The following NELL2 variants were observed in gnomAD, a reference collection of about 807,000 sequenced individuals.
The protein encoded by NELL2 is neural EGFL like 2, also known as protein kinase C-binding protein NELL2.
Under a neutral mutation model 109.6 loss-of-function variants are expected in NELL2, and 41 were observed. The observed-to-expected ratio is 0.37, with a 90% CI of 0.29 to 0.49. The LOEUF (loss-of-function observed/expected upper bound fraction) is 0.49, where lower values mean the gene tolerates loss of function less well. NELL2 is among the 20% of genes least tolerant of loss of function. The probability of loss-of-function intolerance (pLI) is 0.98; values close to 1 mark genes in which losing one functional copy is unlikely to be tolerated. For missense variants in NELL2, 900 were observed against 1,008.3 expected (o/e 0.89, Z 1.45); for synonymous variants, 355 against 344.7 (o/e 1.03, Z -0.33).
chr12:44,561,225 A>G (rs1478726799), intron 15 of NELL2, among the ~76,000 whole-genome samples: 3 of 152,250 alleles, frequency 2.0e-5, no homozygotes, highest in Non-Finnish European at 4.4e-5. Flanking sequence ...CCAATATCAT[A>G]CTGAATGGGA....
Position 44,718,331 on chromosome 12 carries a change from T to C in NELL2, c.995-3590A>G, listed in dbSNP as rs1442339651. On this transcript the variant is annotated intron_variant, in intron 9 of 19. Transcript: ENST00000429094. Reference sequence around the variant, plus strand: ...AGGACCGTCCCTGGAATTCTCTAACTGAAAAGTATCTGCCTTCTAACCTCT... The same window carrying C: ...AGGACCGTCCCTGGAATTCTCTAACCGAAAAGTATCTGCCTTCTAACCTCT... 2.6e-5 allele frequency among the ~76,000 whole-genome samples: 4 copies of C among 152,204 alleles called. No individual in the cohort carries two copies. The South Asian group carries it at 6.2e-4, about 24-fold the overall frequency.
chr12:44,876,877 G>A (rs1367403221), upstream of NELL2: 5 of 1,290,858 alleles, frequency 3.9e-6, no homozygotes, highest in Non-Finnish European at 4.9e-6. Flanking sequence ...GGCGAGCCTG[G>A]GAAGCCCCGG....
At chr12:44,721,706 A>G (rs980398310) in intron 9 of NELL2, among the ~76,000 whole-genome samples, 1 of 152,152 alleles carries the variant, frequency 6.6e-6, no homozygotes, top group African/African-American at 2.4e-5. Flanking sequence ...TGCTGTGTGA[A>G]CTGCAAAGCA....
chr12:44,764,091 A>C (rs1350601592), intron 9 of NELL2, among the ~76,000 whole-genome samples: 1 of 152,200 alleles, frequency 6.6e-6, no homozygotes, highest in East Asian at 1.9e-4. Context: ...CATCTAATAC[A>C]AATGTAAAGA....
chr12:44,711,424 A>C, intron 10 of NELL2, 30 bp from the exon 11 acceptor site: 8 of 1,549,418 alleles, frequency 5.2e-6, no homozygotes, highest in Non-Finnish European at 7.1e-6. Context: ...AAGTGCTTCA[A>C]ATTTTATCAT....
chr12:44,849,681 A>T (rs1944475211), intron 2 of NELL2, among the ~76,000 whole-genome samples: 1 of 152,206 alleles, frequency 6.6e-6, no homozygotes, highest in Non-Finnish European at 1.5e-5. Context: ...TCCAAAAGAA[A>T]CTTTTAGAGA....
intron 9 of NELL2, among the ~76,000 whole-genome samples, chr12:44,726,317 C>T (rs531520776): frequency 2.0e-5 from 3 of 152,270 alleles, no homozygotes; most frequent in South Asian, 4.1e-4. Context: ...CAAACGACTT[C>T]ATGAGGTGAG....
chr12:44,541,560 C>T (rs1942572578), intron 15 of NELL2, among the ~76,000 whole-genome samples: 4 of 151,962 alleles, frequency 2.6e-5, no homozygotes, highest in Admixed American at 2.6e-4. Context: ...AAGCAAAGAG[C>T]ACCAACCCAA....
At chr12:44,597,076 G>A (rs1381951762) in intron 15 of NELL2, among the ~76,000 whole-genome samples, 1 of 152,112 alleles carries the variant, frequency 6.6e-6, no homozygotes, top group Non-Finnish European at 1.5e-5. Context: ...TGAACATGCA[G>A]GGTGATCTAT....
chr12:44,675,156 C>T (rs1948264581), intron 12 of NELL2, among the ~76,000 whole-genome samples: 1 of 152,160 alleles, frequency 6.6e-6, no homozygotes, highest in Admixed American at 6.6e-5. Flanking sequence ...ATAGCAAATA[C>T]AAGCCATCCT....
intron 19 of NELL2, among the ~76,000 whole-genome samples, chr12:44,518,325 A>C (rs538336801): frequency 1.3e-5 from 2 of 151,744 alleles, no homozygotes; most frequent in South Asian, 2.1e-4. Context: ...GCTCACTGCA[A>C]GCTCCACCTC....
chr12:44,843,539 G>A (rs1944287437), intron 2 of NELL2, among the ~76,000 whole-genome samples: 1 of 152,182 alleles, frequency 6.6e-6, no homozygotes, highest in Non-Finnish European at 1.5e-5. Flanking sequence ...CTACTTCTAG[G>A]TATTTACCAA....
At chr12:44,706,833 T>C (rs1275254812) in intron 11 of NELL2, among the ~76,000 whole-genome samples, 2 of 152,186 alleles carry the variant, frequency 1.3e-5, no homozygotes, top group Non-Finnish European at 2.9e-5. Context: ...ACTTCAAGGA[T>C]ATTATGTTCT....
At chr12:44,635,339 A>G (rs1348912299) in intron 13 of NELL2, among the ~76,000 whole-genome samples, 1 of 152,062 alleles carries the variant, frequency 6.6e-6, no homozygotes, top group African/African-American at 2.4e-5. Context: ...TTGGTGTTTT[A>G]GTCATGAAGT....
intron 15 of NELL2, among the ~76,000 whole-genome samples, chr12:44,567,095 C>T (rs147402235): frequency 4.9e-4 from 75 of 152,246 alleles, no homozygotes; most frequent in African/African-American, 1.7e-3. Flanking sequence ...CAGGCGTGAG[C>T]CACTGCGTCT....
intron 15 of NELL2, among the ~76,000 whole-genome samples, chr12:44,599,229 GGCAAAAGTCA>G (rs1330109130): frequency 6.6e-6 from 1 of 152,042 alleles, no homozygotes; most frequent in African/African-American, 2.4e-5. Context: ...ACAATCATGA[GGCAAAAGTCA>G]GCAAACACAA....
chr12:44,600,071 C>T (rs1222380137), intron 15 of NELL2, among the ~76,000 whole-genome samples: 1 of 150,604 alleles, frequency 6.6e-6, no homozygotes, highest in Non-Finnish European at 1.5e-5. Flanking sequence ...ACGCCATTCT[C>T]CTGCCTCAGC....
At chr12:44,515,835 A>T (rs1210626503) in intron 19 of NELL2, among the ~76,000 whole-genome samples, 1 of 151,998 alleles carries the variant, frequency 6.6e-6, no homozygotes, top group African/African-American at 2.4e-5. Flanking sequence ...TTTGAAAATC[A>T]AGATTAGAAG....
intron 3 of NELL2, among the ~76,000 whole-genome samples, chr12:44,793,293 C>T (rs572496338): frequency 3.5e-4 from 53 of 152,098 alleles, no homozygotes; most frequent in Non-Finnish European, 6.6e-4. Context: ...CCAAAAGACA[C>T]CAGCCAGAGA....
Sources: allele counts gnomAD v4.1 joint callset (sites outside exome capture counted in the v4.1 genomes callset), GRCh38; gene constraint gnomAD v4.1.1; transcripts MANE v1.5; gene names NCBI Gene and HGNC (gene_info 2026-07-23, HGNC 2026-07-21).